Variants in GOLGA3 observed in about 807,000 individuals in gnomAD.
The protein encoded by GOLGA3 is golgin A3.
GOLGA3 carries 75 observed loss-of-function variants against 169.4 expected under a neutral mutation model. The ratio of observed to expected loss-of-function variants is 0.44; its 90% CI spans 0.37 to 0.54. The LOEUF is 0.54. Among genes scored for constraint, GOLGA3 ranks in the 20% least tolerant of loss-of-function variants. The pLI, the probability that GOLGA3 is intolerant of heterozygous loss-of-function variation, is 0.00. For synonymous variants in GOLGA3, 824 were observed against 822.4 expected, an observed-to-expected ratio of 1.00 and a Z score of -0.03; for missense variants, 1,899 against 1,930.0, an observed-to-expected ratio of 0.98 and a Z score of 0.30.
intron 16 of GOLGA3, 85 bp from the exon 17 acceptor site, chr12:132,782,578 G>C: frequency 8.9e-7 from 1 of 1,117,922 alleles, no homozygotes; most frequent in Admixed American, 1.7e-5. Flanking sequence ...TTTTCAACAA[G>C]AAACAGCGAA....
rs202126492 is a variant in GOLGA3 at position 132,780,814 on chromosome 12, T to C, written c.3566A>G (p.Asn1189Ser). 3.1e-6 allele frequency: 5 copies of C among 1,608,936 alleles called. No homozygotes were observed. ...GGCACGCACCTGCTCCTTGAGGCTGTTCACCTTCTCCTTCTCCTTCTCTAG... is the reference window on the plus strand; with the variant it reads ...GGCACGCACCTGCTCCTTGAGGCTGCTCACCTTCTCCTTCTCCTTCTCTAG... ...ASLEKEKEKV[N>S]SLKEQVAAAK... Residue 1189 changes from asparagine (N) to serine (S), a missense_variant, in exon 18 of 24, where the codon AAC (asparagine) becomes AGC (serine). Asn to Ser is a conservative substitution (Grantham distance 46). Transcript: ENST00000450791.
intron 11 of GOLGA3, 28 bp downstream of exon 11, chr12:132,795,824 C>G (rs749811384): frequency 6.3e-5 from 100 of 1,594,150 alleles, no homozygotes; most frequent in Non-Finnish European, 8.2e-5. Flanking sequence ...GGTTCTGATT[C>G]AAAACAAAAC....
intron 5 of GOLGA3, among the ~76,000 whole-genome samples, 192 bp from the exon 6 acceptor site, chr12:132,807,480 C>T (rs890277420): frequency 1.3e-5 from 2 of 152,192 alleles, no homozygotes; most frequent in Non-Finnish European, 2.9e-5. Context: ...TGGCACCTCA[C>T]GCAGTGGGAA....
intron 8 of GOLGA3, 124 bp downstream of exon 8, chr12:132,801,643 G>T: frequency 2.2e-6 from 2 of 890,522 alleles, no homozygotes; most frequent in Non-Finnish European, 3.5e-6. Flanking sequence ...GGGTGGGCTG[G>T]ACAGCAGGTT....
chr12:132,774,621 A>G (rs999964103), intron 22 of GOLGA3: 5 of 465,696 alleles, frequency 1.1e-5, no homozygotes, highest in African/African-American at 1.0e-4. Context: ...CGCTTCTCCC[A>G]TCAGATACTC....
Position 132,777,919 on chromosome 12 carries a change from C to G in GOLGA3, c.3583-114G>C. On this transcript the variant is annotated intron_variant, in intron 18 of 23. Coordinates refer to ENST00000450791, the MANE Select transcript of GOLGA3 (RefSeq NM_001389683.1). This position sits in a 1 kb window ranked among gnomAD's most constrained non-coding sequence, Gnocchi z 4.7. ...GCCCCGTGCATGTCCTGGCTGCCGGCGTGTGCTTCTCCACAGGCCTGTCAA... is the reference window on the plus strand; with the variant it reads ...GCCCCGTGCATGTCCTGGCTGCCGGGGTGTGCTTCTCCACAGGCCTGTCAA... 1 of 1,172,814 alleles carries G rather than the reference C, an allele frequency of 8.5e-7. No homozygotes were observed. Among genetic ancestry groups the G allele is most frequent in the South Asian group, 1.5e-5 (1 of 65,334 alleles). 72.7% of individuals were successfully genotyped at this position (1,172,814 alleles called of 1,614,324 possible). A position where few individuals can be genotyped will look rare whatever the true frequency, so the allele number is the denominator to read the frequency against.
At chr12:132,817,107 C>T (rs1398689608) in intron 2 of GOLGA3, among the ~76,000 whole-genome samples, 18 of 123,356 alleles carry the variant, frequency 1.5e-4, no homozygotes, top group Admixed American at 8.1e-5. Flanking sequence ...TACGCTCTAA[C>T]GTGAACTCAC....
In GOLGA3 at chr12:132,790,813, C is replaced by T. The variant is rs539902101; in HGVS notation, c.2547+403G>A. ...CTGTAATCCCAGCACTTTGGGAGGC[C>T]GAGGAGGGTGGATCACCTGAGGTCA... is the stretch of plus-strand genomic sequence containing the variant. On this transcript the variant is annotated intron_variant, in intron 12 of 23. Transcript: ENST00000450791. Among the ~76,000 whole-genome samples the T allele has an allele frequency of 2.1e-3, 317 of 151,904 alleles. 1 individual carries two copies. The highest frequency in any genetic ancestry group is 3.4e-3 in the Non-Finnish European group (234 of 67,924).
Position 132,772,777 on chromosome 12 carries a change from C to T in GOLGA3, c.*328G>A, listed in dbSNP as rs925739894. 1 of 222,680 alleles carries T rather than the reference C, an allele frequency of 4.5e-6. No homozygotes were observed. Among genetic ancestry groups the T allele is most frequent in the Admixed American group, 5.5e-5 (1 of 18,286 alleles). The allele number at this position is 222,680 out of a possible 1,614,324, so 13.8% of individuals were successfully genotyped here. On this transcript the variant is annotated 3_prime_UTR_variant, in exon 24 of 24. Transcript: ENST00000450791. Reference sequence around the variant, plus strand: ...CCTGTCACACAGCTGCTCCCAGTTACGCAGCCTCTCCCTGTCACCCGCAGA... The same window carrying T: ...CCTGTCACACAGCTGCTCCCAGTTATGCAGCCTCTCCCTGTCACCCGCAGA...
At chr12:132,797,660 C>CTCTG (rs1441807090) in intron 9 of GOLGA3, among the ~76,000 whole-genome samples, 13 of 151,960 alleles carry the variant, frequency 8.6e-5, no homozygotes, top group African/African-American at 3.1e-4. Context: ...TGCAGTGAGC[C>CTCTG]AAGATCGCAC....
chr12:132,786,510 G>A lies in GOLGA3; in HGVS notation c.2952C>T (p.Asp984=). 2 of 1,613,644 alleles carry A rather than the reference G, an allele frequency of 1.2e-6. No individual in the cohort carries two copies. The highest frequency in any genetic ancestry group is 1.7e-6 in the Non-Finnish European group (2 of 1,179,960). ...QKQKMRRLGS[D]LTSAQKEMKT... is the part of the protein sequence containing the mutation. ...TCATCTCCTTCTGGGCGCTGGTCAA[G>A]TCTGAGCCCAGCCGCCTCATCTTCT... is the stretch of plus-strand genomic sequence containing the variant. Residue 984 remains aspartate, a synonymous_variant, in exon 15 of 24, where the codon GAC becomes GAT. Coordinates refer to ENST00000450791, the MANE Select transcript of GOLGA3 (RefSeq NM_001389683.1).
chr12:132,788,199 C>T (rs76848117), intron 13 of GOLGA3, among the ~76,000 whole-genome samples: 31,069 of 152,180 alleles, frequency 0.2, 4,104 homozygotes, highest in Non-Finnish European at 0.3. Flanking sequence ...ATGGTGCCGG[C>T]CACACCGCCT....
chr12:132,794,320 C>T (rs1351971735), intron 11 of GOLGA3, among the ~76,000 whole-genome samples: 1 of 150,072 alleles, frequency 6.7e-6, no homozygotes, highest in South Asian at 2.1e-4. Flanking sequence ...CATGGCAAAA[C>T]CCCGTATCTA....
intron 18 of GOLGA3, among the ~76,000 whole-genome samples, chr12:132,779,127 C>T (rs568029537): frequency 2.8e-4 from 43 of 152,252 alleles, no homozygotes; most frequent in Non-Finnish European, 5.1e-4. Flanking sequence ...GTTGCCCAGG[C>T]TGGAGTGCAA....
chr12:132,774,355 G>A lies in GOLGA3; in HGVS notation c.4144-35C>T, dbSNP rs200065257. 5.4e-4 allele frequency: 868 copies of A among 1,605,678 alleles called. 1 individual carries two copies. Among genetic ancestry groups the A allele is most frequent in the Non-Finnish European group, 6.1e-4 (725 of 1,179,204 alleles). ...AAAGCACATGATCAGCTTTCCCACC[G>A]TCCCCTCCCTCGGGTCAGTCTCACT... On this transcript the variant is annotated intron_variant, in intron 22 of 23. Transcript: ENST00000450791.
In GOLGA3 at chr12:132,807,961, C is replaced by T. The variant is rs757737771; in HGVS notation, c.1108G>A (p.Ala370Thr). The change falls in exon 5 of 24, where the codon GCT becomes ACT. Residue 370 changes from alanine to threonine, a missense_variant. Coordinates refer to ENST00000450791, the MANE Select transcript of GOLGA3 (RefSeq NM_001389683.1). ...SIKDVLQAAA[A>T]EHQDQGQEVN... ...TCCTGCCCCTGGTCTTGGTGCTCAG[C>T]GGCTGCGGCCTGGAGGACGTCCTTA... 47 of 1,613,222 alleles carry T rather than the reference C, an allele frequency of 2.9e-5. No homozygotes were observed. The highest frequency in any genetic ancestry group is 1.5e-4 in the Admixed American group (9 of 59,888).
intron 12 of GOLGA3, 98 bp from the exon 13 acceptor site, chr12:132,789,388 T>C (rs911631654): frequency 3.9e-6 from 4 of 1,023,470 alleles, no homozygotes; most frequent in Non-Finnish European, 4.2e-6. Flanking sequence ...TTACCACTTA[T>C]CGGGGGCATA....
In GOLGA3 at chr12:132,807,968, G is replaced by A. The variant is rs142891572; in HGVS notation, c.1101C>T (p.Ala367=). 8.7e-5 allele frequency: 141 copies of A among 1,613,310 alleles called. No individual in the cohort carries two copies. Among genetic ancestry groups the A allele is most frequent in the African/African-American group, 3.2e-4 (24 of 74,782 alleles). ...CCTGGTCTTGGTGCTCAGCGGCTGCGGCCTGGAGGACGTCCTTAATGGAGG... is the reference window on the plus strand; with the variant it reads ...CCTGGTCTTGGTGCTCAGCGGCTGCAGCCTGGAGGACGTCCTTAATGGAGG... ...QFPSIKDVLQ[A]AAAEHQDQGQ... The change falls in exon 5 of 24, where the codon GCC becomes GCT. Residue 367 remains alanine, a synonymous_variant. Transcript: ENST00000450791.
chr12:132,813,257 C>T, intron 4 of GOLGA3, 50 bp downstream of exon 4: 2 of 1,281,162 alleles, frequency 1.6e-6, no homozygotes, highest in Non-Finnish European at 2.3e-6. Flanking sequence ...CAACAGTTGT[C>T]TCTGGCACAG....
Sources: gnomAD v4.1 joint callset for allele counts (sites outside exome capture counted in the v4.1 genomes callset) on GRCh38, gnomAD v4.1.1 for gene constraint, Gnocchi (gnomAD v3.1) non-coding constraint, MANE v1.5 for transcripts, NCBI Gene and HGNC (gene_info 2026-07-23, HGNC 2026-07-21) for gene names.